Variants in GABRA5 observed in about 807,000 individuals in gnomAD.
GABRA5 encodes the protein gamma-aminobutyric acid receptor subunit alpha-5.
A neutral mutation model predicts 47.3 loss-of-function variants in GABRA5; 18 were observed. The observed-to-expected ratio is 0.38, with a 90% confidence interval of 0.26 to 0.56. The LOEUF (loss-of-function observed/expected upper bound fraction) is 0.56, where lower values mean the gene tolerates loss of function less well. Ranked by LOEUF, GABRA5 falls within the 20% of genes least tolerant of loss-of-function variation. GABRA5 has a pLI of 0.71. For missense variants in GABRA5, 365 were observed against 599.3 expected (o/e 0.61, Z 4.08); for synonymous variants, 237 against 229.3 (o/e 1.03, Z -0.30).
At chr15:26,884,818 G>C (rs1030444327) in intron 6 of GABRA5, among the ~76,000 whole-genome samples, 1 of 152,292 alleles carries the variant, frequency 6.6e-6, no homozygotes, top group Admixed American at 6.5e-5. Context: ...CCAACGGCGC[G>C]GTGCAGTCTT....
At chr15:26,944,662 G>A (rs1016175158) in intron 10 of GABRA5, among the ~76,000 whole-genome samples, 2 of 152,228 alleles carry the variant, frequency 1.3e-5, no homozygotes, top group African/African-American at 4.8e-5. Flanking sequence ...TGTTCCTGCA[G>A]ACCAGGGGTC....
intron 6 of GABRA5, among the ~76,000 whole-genome samples, chr15:26,902,370 T>C (rs1051954844): frequency 1.3e-5 from 2 of 152,140 alleles, no homozygotes; most frequent in Middle Eastern, 3.2e-3. Context: ...GTTAGATTTA[T>C]ACCTAAAGAT....
At chr15:26,912,964 C>T (rs1248308039) in intron 6 of GABRA5, among the ~76,000 whole-genome samples, 2 of 152,178 alleles carry the variant, frequency 1.3e-5, no homozygotes, top group Non-Finnish European at 2.9e-5. Flanking sequence ...TGGCAGATCA[C>T]CTGAGGTCGG....
chr15:26,874,660 C>T (rs777197719), intron 3 of GABRA5, among the ~76,000 whole-genome samples: 3 of 152,176 alleles, frequency 2.0e-5, no homozygotes, highest in Non-Finnish European at 4.4e-5. Flanking sequence ...AGATTGTGAA[C>T]TGGAATACTG....
chr15:26,872,181 C>T (rs183150658), intron 3 of GABRA5, among the ~76,000 whole-genome samples: 2 of 152,242 alleles, frequency 1.3e-5, no homozygotes, highest in East Asian at 1.9e-4. Flanking sequence ...TGTCAAATCC[C>T]GATTGAAATT....
intron 2 of GABRA5, 69 bp downstream of exon 2, chr15:26,868,862 T>C (rs1892392228): frequency 5.7e-6 from 1 of 175,930 alleles, no homozygotes; most frequent in Admixed American, 5.6e-5. Flanking sequence ...CAGCGTTTAT[T>C]TTAATAATTG....
chr15:26,931,371 A>T (rs1341188887), intron 7 of GABRA5, among the ~76,000 whole-genome samples: 2 of 152,174 alleles, frequency 1.3e-5, no homozygotes, highest in African/African-American at 4.8e-5. Flanking sequence ...ACAGACGGCC[A>T]TGTTCTCATT....
At chr15:26,918,981 AC>A (rs555860707) in intron 7 of GABRA5, among the ~76,000 whole-genome samples, 1,830 of 151,636 alleles carry the variant, frequency 0.012, 47 homozygotes, top group African/African-American at 0.042. Flanking sequence ...TCTACAAAAA[AC>A]AAAGTTTTAA....
chr15:26,934,248 T>TAA (rs776194243), intron 7 of GABRA5, among the ~76,000 whole-genome samples: 1 of 112,960 alleles, frequency 8.9e-6, no homozygotes, highest in Admixed American at 9.4e-5. Context: ...AGAGAATGTT[T>TAA]AAAAAAAAAA....
chr15:26,898,221 A>C (rs1387212872), intron 6 of GABRA5, among the ~76,000 whole-genome samples: 1 of 152,210 alleles, frequency 6.6e-6, no homozygotes, highest in Non-Finnish European at 1.5e-5. Flanking sequence ...TGGAAAAACA[A>C]ATCCTCTGTT....
chr15:26,868,657 A>G (rs982789684), intron 1 of GABRA5, 72 bp from the exon 2 acceptor site: 1 of 153,074 alleles, frequency 6.5e-6, no homozygotes, highest in Non-Finnish European at 1.5e-5. Context: ...CAGTTGTCAC[A>G]GTATTGTGAT....
chr15:26,904,174 T>C (rs1893389494), intron 6 of GABRA5, among the ~76,000 whole-genome samples: 1 of 152,178 alleles, frequency 6.6e-6, no homozygotes, highest in Non-Finnish European at 1.5e-5. Flanking sequence ...ACAGTTTCAA[T>C]CTTCTGCATA....
intron 3 of GABRA5, chr15:26,880,438 A>T (rs1235147339): frequency 6.4e-6 from 1 of 155,360 alleles, no homozygotes; most frequent in Non-Finnish European, 1.4e-5. Context: ...CCCAGCGCCC[A>T]GTGCAGGTGA....
At chr15:26,891,544 CCGTGGCCT>C (rs879742493) in intron 6 of GABRA5, among the ~76,000 whole-genome samples, 1 of 152,178 alleles carries the variant, frequency 6.6e-6, no homozygotes, top group Non-Finnish European at 1.5e-5. Flanking sequence ...CGAGGTGGCG[CCGTGGCCT>C]CGTGCATCGA....
Position 26,914,905 on chromosome 15 carries a change from A to C in GABRA5, c.580+20A>C, listed in dbSNP as rs1235329190. The stretch of plus-strand genomic sequence containing the variant: ...GCAGCTGTAAGTTATTTTCACAAGT[A>C]AGAGCCTTGGACATATACTTTGGGG... On this transcript the variant is annotated intron_variant, in intron 7 of 10. Transcript: ENST00000335625. 6.2e-7 allele frequency: 1 copy of C among 1,600,666 alleles called. No homozygotes were observed. The highest frequency in any genetic ancestry group is 1.7e-4 in the Middle Eastern group (1 of 6,034).
chr15:26,928,790 G>T (rs1794413509), intron 7 of GABRA5, among the ~76,000 whole-genome samples: 1 of 152,170 alleles, frequency 6.6e-6, no homozygotes, highest in South Asian at 2.1e-4. Flanking sequence ...CTGGAGGCTG[G>T]AAAGTTTTGG....
intron 9 of GABRA5, among the ~76,000 whole-genome samples, chr15:26,941,093 G>T (rs1336306656): frequency 6.6e-6 from 1 of 152,182 alleles, no homozygotes; most frequent in Non-Finnish European, 1.5e-5. Flanking sequence ...TGGCACAGGG[G>T]TGCTCCCGTC....
chr15:26,916,990 G>C (rs542231496), intron 7 of GABRA5, among the ~76,000 whole-genome samples: 1 of 151,992 alleles, frequency 6.6e-6, no homozygotes, highest in African/African-American at 2.4e-5. Context: ...TGGGTTTTCT[G>C]TATGTAAGAT....
chr15:26,886,755 C>T (rs990639908), intron 6 of GABRA5, among the ~76,000 whole-genome samples: 2 of 152,168 alleles, frequency 1.3e-5, no homozygotes, highest in East Asian at 1.9e-4. Context: ...GAGCGACTTG[C>T]CAGTGGTAAT....
Sources: gnomAD v4.1 joint callset for allele counts (sites outside exome capture counted in the v4.1 genomes callset) on GRCh38, gnomAD v4.1.1 for gene constraint, MANE v1.5 for transcripts, NCBI Gene and HGNC (gene_info 2026-07-23, HGNC 2026-07-21) for gene names.